GAS6: variants seen among roughly 807,000 people sequenced by gnomAD.
GAS6 encodes the protein growth arrest specific 6.
A neutral mutation model predicts 75.8 loss-of-function variants in GAS6; 41 were observed. That is an observed-to-expected ratio of 0.54 (90% CI 0.42 to 0.70). The LOEUF (loss-of-function observed/expected upper bound fraction) is 0.70. GAS6 is among the 30% of genes least tolerant of loss of function. The pLI, the probability that GAS6 is intolerant of heterozygous loss-of-function variation, is 0.00. For synonymous variants in GAS6, 432 were observed against 412.6 expected, an observed-to-expected ratio of 1.05 and a Z score of -0.57; for missense variants, 854 against 940.2, an observed-to-expected ratio of 0.91 and a Z score of 1.20.
intron 10 of GAS6, among the ~76,000 whole-genome samples, chr13:113,831,047 C>G (rs1162473756): frequency 6.6e-6 from 1 of 152,280 alleles, no homozygotes; most frequent in African/African-American, 2.4e-5. Context: ...TTCCACCTTT[C>G]TTCCCAACGT....
chr13:113,821,888 G>C (rs1390104950), intron 14 of GAS6, 70 bp downstream of exon 14: 8 of 1,254,516 alleles, frequency 6.4e-6, no homozygotes, highest in East Asian at 2.6e-5. Flanking sequence ...GTCCAGGTTA[G>C]ATCTGGGGTG....
intron 12 of GAS6, among the ~76,000 whole-genome samples, chr13:113,826,044 G>T (rs968349914): frequency 6.6e-6 from 1 of 152,174 alleles, no homozygotes; most frequent in South Asian, 2.1e-4. Context: ...TGGGGCCCAC[G>T]TGGGGTGGGA....
intron 4 of GAS6, chr13:113,842,331 T>A: frequency 2.8e-6 from 1 of 362,580 alleles, no homozygotes; most frequent in Non-Finnish European, 4.9e-6. Flanking sequence ...TAAGATGCTA[T>A]TTTCAGCAGG....
intron 2 of GAS6, among the ~76,000 whole-genome samples, chr13:113,852,931 C>G (rs1034535191): frequency 6.6e-6 from 1 of 152,168 alleles, no homozygotes; most frequent in African/African-American, 2.4e-5. Flanking sequence ...GTGACCTCCC[C>G]ATGCCACCGC....
chr13:113,833,860 CG>C (rs1271060037), intron 8 of GAS6: 3 of 1,024,504 alleles, frequency 2.9e-6, no homozygotes, highest in African/African-American at 1.8e-5. Flanking sequence ...TGTGACAGGT[CG>C]GTGTGAGACA....
rs886064044 is a variant in GAS6 at position 113,831,425 on chromosome 13, G to A, written c.1143+874C>T. Among the ~76,000 whole-genome samples the A allele has an allele frequency of 6.6e-5, 10 of 152,176 alleles. No homozygotes were observed. In the East Asian group the frequency reaches 1.9e-3, roughly 29 times the overall value. On this transcript the variant is annotated intron_variant, in intron 10 of 14. Transcript: ENST00000327773. ...CCACGGCCCGGGAGACACGTACGGC[G>A]GGAGCTCTGGGCTGTGGTGCGGGTT... is the stretch of plus-strand genomic sequence containing the variant.
At chr13:113,858,893 G>A (rs1036196122) in intron 2 of GAS6, among the ~76,000 whole-genome samples, 2 of 151,284 alleles carry the variant, frequency 1.3e-5, no homozygotes, top group Non-Finnish European at 2.9e-5. Context: ...AAGTCTATGT[G>A]AATGTGTGCA....
chr13:113,831,635 G>A (rs1432918708), intron 10 of GAS6, among the ~76,000 whole-genome samples: 1 of 152,102 alleles, frequency 6.6e-6, no homozygotes. Flanking sequence ...CAAACTGACA[G>A]GTTGCACTCA....
intron 10 of GAS6, among the ~76,000 whole-genome samples, chr13:113,830,455 C>G (rs1482572638): frequency 3.4e-5 from 4 of 118,160 alleles, no homozygotes; most frequent in Non-Finnish European, 6.6e-5. Context: ...GCGACCTCGC[C>G]TCAGGCCACC....
chr13:113,838,426 T>G (rs1233372216), intron 5 of GAS6, among the ~76,000 whole-genome samples: 1 of 114,390 alleles, frequency 8.7e-6, no homozygotes, highest in Admixed American at 9.8e-5. Context: ...ACCCCGGGGG[T>G]GCACAGCCCA....
chr13:113,861,089 A>G (rs2051967507), intron 2 of GAS6, among the ~76,000 whole-genome samples: 1 of 151,156 alleles, frequency 6.6e-6, no homozygotes. Context: ...TTCCGGGAAG[A>G]AGGCGCAACC....
intron 13 of GAS6, chr13:113,823,158 C>A: frequency 2.0e-6 from 1 of 495,574 alleles, no homozygotes; most frequent in Admixed American, 3.8e-5. Context: ...TCGCAGGCGC[C>A]GGCCCCCTCA....
At chr13:113,852,264 G>A (rs2051881904) in intron 2 of GAS6, among the ~76,000 whole-genome samples, 1 of 152,314 alleles carries the variant, frequency 6.6e-6, no homozygotes, top group African/African-American at 2.4e-5. Context: ...TTCCAATGTG[G>A]CCCACGGAAG....
chr13:113,831,693 G>C (rs1415164959), intron 10 of GAS6, among the ~76,000 whole-genome samples: 4 of 152,132 alleles, frequency 2.6e-5, no homozygotes, highest in African/African-American at 4.8e-5. Flanking sequence ...AAATAGCAGA[G>C]AGGCCTAGAG....
At chr13:113,825,706 G>T (rs1157777816) in intron 12 of GAS6, among the ~76,000 whole-genome samples, 5 of 152,216 alleles carry the variant, frequency 3.3e-5, no homozygotes, top group African/African-American at 1.2e-4. Flanking sequence ...TCTAGATTTG[G>T]AAGTCCAAAA....
chr13:113,842,867 C>T lies in GAS6; in HGVS notation c.344-3017G>A, dbSNP rs367745316. On this transcript the variant is annotated intron_variant, in intron 4 of 14. Transcript: ENST00000327773. Reference sequence around the variant, plus strand: ...TCTTGACTTTGCCTGGAATGCCTTTCGGAAAGACCTCTGTCCCTGAGGCTG... The same window carrying T: ...TCTTGACTTTGCCTGGAATGCCTTTTGGAAAGACCTCTGTCCCTGAGGCTG... The T allele has an allele frequency of 1.7e-4, 67 of 397,096 alleles. 7 individuals are homozygous for T. The highest frequency in any genetic ancestry group is 1.1e-3 in the African/African-American group (51 of 47,340). 24.6% of individuals were successfully genotyped at this position (397,096 alleles called of 1,614,324 possible).
chr13:113,827,849 A>T (rs2051571076), intron 11 of GAS6, among the ~76,000 whole-genome samples: 1 of 152,152 alleles, frequency 6.6e-6, no homozygotes, highest in African/African-American at 2.4e-5. Flanking sequence ...TGAAGGGGAG[A>T]GAAGGCGGGA....
intron 8 of GAS6, chr13:113,833,544 C>T (rs2051655948): frequency 2.0e-6 from 2 of 1,001,400 alleles, no homozygotes; most frequent in Non-Finnish European, 1.2e-6. Flanking sequence ...CCAGAAACGT[C>T]CACATGTGGG....
intron 2 of GAS6, among the ~76,000 whole-genome samples, chr13:113,853,453 A>G (rs2051891607): frequency 2.0e-5 from 3 of 152,378 alleles, no homozygotes; most frequent in South Asian, 2.1e-4. Flanking sequence ...TCAGTCCTGC[A>G]TAAATCTTTT....
Sources: allele counts gnomAD v4.1 joint callset (sites outside exome capture counted in the v4.1 genomes callset), GRCh38; gene constraint gnomAD v4.1.1; transcripts MANE v1.5; gene names NCBI Gene and HGNC (gene_info 2026-07-23, HGNC 2026-07-21).